Variants in CNTNAP4 observed in about 807,000 individuals in gnomAD.
The protein encoded by CNTNAP4 is contactin-associated protein-like 4.
CNTNAP4 carries 98 observed loss-of-function variants against 148.4 expected under a neutral mutation model. The observed-to-expected ratio is 0.66, with a 90% CI of 0.56 to 0.78. The LOEUF (loss-of-function observed/expected upper bound fraction) is 0.78, where lower values mean the gene tolerates loss of function less well. CNTNAP4 is among the 30% of genes least tolerant of loss of function. CNTNAP4 has a pLI of 0.00. For synonymous variants in CNTNAP4, 730 were observed against 565.1 expected (o/e 1.29, Z -4.14); for missense variants, 1,935 against 1,565.6 (o/e 1.24, Z -3.98).
At chr16:76,456,670 C>CA (rs2080742445) in intron 8 of CNTNAP4, among the ~76,000 whole-genome samples, 1 of 152,218 alleles carries the variant, frequency 6.6e-6, no homozygotes, top group Non-Finnish European at 1.5e-5. Context: ...ATTCTTACAA[C>CA]ACCAAGGTCT....
chr16:76,306,093 CTAT>C (rs1426523264), intron 1 of CNTNAP4, among the ~76,000 whole-genome samples: 1 of 152,116 alleles, frequency 6.6e-6, no homozygotes, highest in East Asian at 1.9e-4. Context: ...CACATCTTTG[CTAT>C]TCTGAACAGT....
chr16:76,450,734 G>A (rs1165156237), intron 7 of CNTNAP4, among the ~76,000 whole-genome samples: 1 of 152,150 alleles, frequency 6.6e-6, no homozygotes, highest in African/African-American at 2.4e-5. Context: ...TGGTCAGACT[G>A]CATTACATTC....
intron 12 of CNTNAP4, among the ~76,000 whole-genome samples, chr16:76,481,877 G>A (rs1008812797): frequency 6.6e-6 from 1 of 152,126 alleles, no homozygotes; most frequent in African/African-American, 2.4e-5. Context: ...GTGAGTAAGT[G>A]GGGCGTAGGA....
intron 3 of CNTNAP4, among the ~76,000 whole-genome samples, chr16:76,376,836 A>G (rs187285056): frequency 1.3e-5 from 2 of 152,160 alleles, no homozygotes; most frequent in East Asian, 3.9e-4. Context: ...AAGGAAGTGA[A>G]GTCAGGGAGG....
intron 2 of CNTNAP4, among the ~76,000 whole-genome samples, chr16:76,340,774 C>G (rs2144345619): frequency 6.6e-6 from 1 of 152,280 alleles, no homozygotes; most frequent in South Asian, 2.1e-4. Flanking sequence ...CGTGAGAACT[C>G]CTAACTCTGA....
chr16:76,487,330 C>T (rs1255581186), intron 12 of CNTNAP4, among the ~76,000 whole-genome samples: 1 of 152,158 alleles, frequency 6.6e-6, no homozygotes, highest in East Asian at 1.9e-4. Context: ...GTGCTGTGTG[C>T]TGGAGATATG....
intron 23 of CNTNAP4, among the ~76,000 whole-genome samples, chr16:76,555,040 A>G (rs555562566): frequency 1.3e-5 from 2 of 152,170 alleles, no homozygotes; most frequent in Admixed American, 6.5e-5. Context: ...GGGCAACAGG[A>G]TAATTGTTTA....
chr16:76,324,757 T>C (rs1209168817), intron 2 of CNTNAP4, among the ~76,000 whole-genome samples: 5 of 152,180 alleles, frequency 3.3e-5, no homozygotes, highest in Admixed American at 3.3e-4. Flanking sequence ...AATTTATGCT[T>C]AAGTGACCTT....
chr16:76,363,325 G>T (rs2013673869), intron 3 of CNTNAP4, among the ~76,000 whole-genome samples: 1 of 151,874 alleles, frequency 6.6e-6, no homozygotes, highest in Non-Finnish European at 1.5e-5. Context: ...ACCATACCCA[G>T]CTAATTTTTT....
rs539731468 is a variant in CNTNAP4 at position 76,418,407 on chromosome 16, T to A, written c.391-9045T>A. ...CTTCTTTTCTTTTATATATATATAT[T>A]TTTATTATACTTTAAGTTCTAGGGT... On this transcript the variant is annotated intron_variant, in intron 3 of 23. Transcript: ENST00000611870. Among the ~76,000 whole-genome samples, 1,176 of 149,444 alleles carry A rather than the reference T, an allele frequency of 7.9e-3. 18 individuals are homozygous for A. Among genetic ancestry groups the A allele is most frequent in the East Asian group, 0.026 (133 of 5,092 alleles).
At chr16:76,540,569 G>GT (rs924209699) in intron 20 of CNTNAP4, 134 bp from the exon 21 acceptor site, 10 of 349,912 alleles carry the variant, frequency 2.9e-5, no homozygotes, top group African/African-American at 8.6e-5. Context: ...TTTAAATTTT[G>GT]TTTTTTTCTA....
chr16:76,279,551 G>T (rs561195171), intron 1 of CNTNAP4, among the ~76,000 whole-genome samples: 24 of 152,050 alleles, frequency 1.6e-4, no homozygotes, highest in Non-Finnish European at 2.9e-5. Context: ...TTTCAGTGCT[G>T]GTTCTATATT....
chr16:76,543,081 A>T (rs1258040371), intron 21 of CNTNAP4, among the ~76,000 whole-genome samples: 2 of 152,210 alleles, frequency 1.3e-5, no homozygotes, highest in African/African-American at 4.8e-5. Context: ...GTTTTTACTC[A>T]AGAGTTGCAT....
In CNTNAP4 at chr16:76,456,112, A is replaced by G. The variant is rs191813463; in HGVS notation, c.1333+3343A>G. ...ACTATTCCATCCTTCCATTATTCCA[A>G]TTGGCATTGTCAATGTTTTCCATCC... On this transcript the variant is annotated intron_variant, in intron 8 of 23. Transcript: ENST00000611870. Among the ~76,000 whole-genome samples, 8 of 65,342 alleles carry G rather than the reference A, an allele frequency of 1.2e-4. No individual in the cohort carries two copies. The South Asian group carries it at 4.8e-3, about 39-fold the overall frequency. The allele number at this position is 65,342 out of a possible 152,430, so 42.9% of individuals were successfully genotyped here.
chr16:76,551,106 C>A (rs566406447), intron 21 of CNTNAP4, among the ~76,000 whole-genome samples: 7 of 152,050 alleles, frequency 4.6e-5, no homozygotes, highest in Non-Finnish European at 1.0e-4. Flanking sequence ...CCTCAAAATT[C>A]TTTAAAAACT....
intron 21 of CNTNAP4, among the ~76,000 whole-genome samples, chr16:76,548,414 G>A (rs758842496): frequency 6.8e-6 from 1 of 147,002 alleles, no homozygotes; most frequent in Non-Finnish European, 1.5e-5. Flanking sequence ...CGTTTTCTGA[G>A]TTTTTATTTT....
chr16:76,544,814 T>C (rs1431396040), intron 21 of CNTNAP4, among the ~76,000 whole-genome samples: 1 of 152,200 alleles, frequency 6.6e-6, no homozygotes, highest in African/African-American at 2.4e-5. Flanking sequence ...TCATTTCTCT[T>C]TTTTGGGGCT....
intron 15 of CNTNAP4, among the ~76,000 whole-genome samples, chr16:76,510,558 G>A (rs184026237): frequency 7.2e-4 from 110 of 152,060 alleles, no homozygotes; most frequent in South Asian, 2.1e-3. Context: ...AGGAACTGGC[G>A]TAATTTTTAT....
chr16:76,558,753 C>T lies in CNTNAP4; in HGVS notation c.*70C>T, dbSNP rs993819070. On this transcript the variant is annotated 3_prime_UTR_variant, in exon 24 of 24. Transcript: ENST00000611870. ...TAGCCAGGGGTTCTCAATGGAAAAA[C>T]GAATGCTCTTACACTGAATGTACAG... The T allele has an allele frequency of 3.6e-5, 43 of 1,184,366 alleles. No individual in the cohort carries two copies. The highest frequency in any genetic ancestry group is 2.4e-4 in the South Asian group (16 of 66,036). 73.4% of individuals were successfully genotyped at this position (1,184,366 alleles called of 1,614,324 possible).
Sources: allele counts gnomAD v4.1 joint callset (sites outside exome capture counted in the v4.1 genomes callset), GRCh38; gene constraint gnomAD v4.1.1; transcripts MANE v1.5; gene names NCBI Gene and HGNC (gene_info 2026-07-23, HGNC 2026-07-21).